Variants in DNAH11 observed in about 807,000 individuals in gnomAD.
The protein encoded by DNAH11 is axonemal beta dynein heavy chain 11.
In DNAH11, 442 loss-of-function variants were observed where a neutral mutation model predicts 526.0. The observed-to-expected ratio is 0.84, with a 90% confidence interval of 0.78 to 0.91. The LOEUF is 0.91. DNAH11 is among the 40% of genes least tolerant of loss of function. DNAH11 has a pLI of 0.00. For synonymous variants in DNAH11, 2,461 were observed against 1,935.9 expected (o/e 1.27, Z -7.12); for missense variants, 6,989 against 5,448.7 (o/e 1.28, Z -8.90).
intron 41 of DNAH11, among the ~76,000 whole-genome samples, chr7:21,711,466 G>C (rs953855080): frequency 1.3e-5 from 2 of 152,058 alleles, no homozygotes; most frequent in African/African-American, 4.8e-5. Context: ...TCTTATATTT[G>C]GCTTAGCAAT....
intron 30 of DNAH11, among the ~76,000 whole-genome samples, chr7:21,678,943 G>C (rs942801728): frequency 6.6e-6 from 1 of 152,154 alleles, no homozygotes; most frequent in Non-Finnish European, 1.5e-5. Flanking sequence ...GTTCATTGCA[G>C]CTTTATTCAC....
chr7:21,678,221 T>G (rs1026307941), intron 30 of DNAH11, among the ~76,000 whole-genome samples: 2 of 152,054 alleles, frequency 1.3e-5, no homozygotes, highest in East Asian at 3.8e-4. Context: ...TCTTTAAGTC[T>G]TTGATTCATT....
Position 21,784,417 on chromosome 7 carries a change from C to T in DNAH11, c.9484-10C>T, listed in dbSNP as rs775144326. 12 of 1,605,554 alleles carry T rather than the reference C, an allele frequency of 7.5e-6. No homozygotes were observed. Among genetic ancestry groups the T allele is most frequent in the East Asian group, 6.7e-5 (3 of 44,740 alleles). On this transcript the variant is annotated splice_polypyrimidine_tract_variant and intron_variant, in intron 57 of 81. Transcript: ENST00000409508. ...TTATACGGGTTTGTGTGCTTTTCCT[C>T]TTTAATTAGGTGACAGCCATTCAGA...
At chr7:21,897,037 T>C (rs1784540732) in intron 79 of DNAH11, among the ~76,000 whole-genome samples, 1 of 152,222 alleles carries the variant, frequency 6.6e-6, no homozygotes, top group African/African-American at 2.4e-5. Context: ...ATCATGCCAC[T>C]GCATTCTAGC....
chr7:21,626,332 G>A (rs1233656630), intron 25 of DNAH11, among the ~76,000 whole-genome samples: 1 of 152,110 alleles, frequency 6.6e-6, no homozygotes, highest in Non-Finnish European at 1.5e-5. Flanking sequence ...TCTATTGTAT[G>A]TATATGCCAT....
Position 21,620,013 on chromosome 7 carries a change from T to A in DNAH11, c.4435T>A (p.Tyr1479Asn). ...ATMKFSYEVH[Y>N]RTGIPLLKSD... Reference sequence around the variant, plus strand: ...CATGAAGTTTTCTTACGAAGTTCACTATCGAACAGGCATTCCATTACTAAA... The same window carrying A: ...CATGAAGTTTTCTTACGAAGTTCACAATCGAACAGGCATTCCATTACTAAA... The change falls in exon 25 of 82, where the codon TAT becomes AAT. Residue 1479 changes from tyrosine to asparagine, a missense_variant. Tyr to Asn is a moderately radical substitution (Grantham distance 143). Coordinates refer to ENST00000409508, the MANE Select transcript of DNAH11 (RefSeq NM_001277115.2). 1.2e-6 allele frequency: 2 copies of A among 1,610,182 alleles called. No individual in the cohort carries two copies. Among genetic ancestry groups the A allele is most frequent in the Non-Finnish European group, 1.7e-6 (2 of 1,178,624 alleles).
chr7:21,762,180 C>T (rs1375947775), intron 54 of DNAH11, among the ~76,000 whole-genome samples: 3 of 152,096 alleles, frequency 2.0e-5, no homozygotes, highest in Non-Finnish European at 2.9e-5. Flanking sequence ...GATTTCAACT[C>T]GAGATGAGAT....
At chr7:21,627,987 A>T (rs986937325) in intron 25 of DNAH11, among the ~76,000 whole-genome samples, 2 of 151,868 alleles carry the variant, frequency 1.3e-5, no homozygotes, top group Non-Finnish European at 2.9e-5. Context: ...AGAAACTTTC[A>T]CTTTTCATCT....
chr7:21,883,366 A>G (rs990321419), intron 75 of DNAH11, among the ~76,000 whole-genome samples: 7 of 152,234 alleles, frequency 4.6e-5, no homozygotes, highest in African/African-American at 1.7e-4. Flanking sequence ...AGAGGCTTCA[A>G]ACCCTGCTCA....
intron 14 of DNAH11, among the ~76,000 whole-genome samples, chr7:21,592,989 A>C (rs1784741742): frequency 6.6e-6 from 1 of 152,214 alleles, no homozygotes; most frequent in Non-Finnish European, 1.5e-5. Context: ...TCAGGGCAAA[A>C]TCCAGGTAAG....
At chr7:21,758,290 C>A (rs1175717911) in intron 54 of DNAH11, among the ~76,000 whole-genome samples, 1 of 152,170 alleles carries the variant, frequency 6.6e-6, no homozygotes, top group East Asian at 1.9e-4. Context: ...AAAGGTGCAA[C>A]CTTGTACTCT....
chr7:21,599,104 G>A (rs757118527), intron 14 of DNAH11, among the ~76,000 whole-genome samples: 4 of 152,166 alleles, frequency 2.6e-5, no homozygotes, highest in Non-Finnish European at 5.9e-5. Context: ...TATATCCAGT[G>A]ATGGGATTGC....
chr7:21,612,920 G>C (rs1785591944), intron 20 of DNAH11, among the ~76,000 whole-genome samples: 2 of 152,138 alleles, frequency 1.3e-5, no homozygotes, highest in African/African-American at 4.8e-5. Context: ...ATTATCGCGA[G>C]AAATGCCAAA....
intron 2 of DNAH11, among the ~76,000 whole-genome samples, chr7:21,553,999 G>C (rs918988044): frequency 6.6e-6 from 1 of 151,970 alleles, no homozygotes; most frequent in Non-Finnish European, 1.5e-5. Flanking sequence ...CTAATCTGGA[G>C]TATTTTCTTA....
chr7:21,635,839 C>G, intron 25 of DNAH11, 32 bp from the exon 26 acceptor site: 2 of 1,545,502 alleles, frequency 1.3e-6, no homozygotes, highest in Non-Finnish European at 8.8e-7. Context: ...CTAAATTTAG[C>G]TACTATTTAA....
At chr7:21,775,397 G>C (rs1787629488) in intron 56 of DNAH11, among the ~76,000 whole-genome samples, 1 of 152,082 alleles carries the variant, frequency 6.6e-6, no homozygotes, top group African/African-American at 2.4e-5. Flanking sequence ...GGGGAGGATT[G>C]CTTGAGTCCA....
intron 66 of DNAH11, among the ~76,000 whole-genome samples, chr7:21,843,647 A>C (rs1263908095): frequency 6.6e-6 from 1 of 151,584 alleles, no homozygotes; most frequent in Non-Finnish European, 1.5e-5. Flanking sequence ...CGCCCAGCTA[A>C]TTTTTGTATT....
intron 76 of DNAH11, among the ~76,000 whole-genome samples, chr7:21,887,670 ATAAAG>A (rs1784175444): frequency 6.6e-6 from 1 of 152,216 alleles, no homozygotes; most frequent in Admixed American, 6.5e-5. Context: ...TCTTTTTATT[ATAAAG>A]TATACATTTT....
At chr7:21,839,342 A>AG (rs1382419723) in intron 65 of DNAH11, among the ~76,000 whole-genome samples, 4 of 152,126 alleles carry the variant, frequency 2.6e-5, no homozygotes, top group African/African-American at 7.2e-5. Flanking sequence ...TGGTAGGCTG[A>AG]GGGGGGCAAA....
Sources: gnomAD v4.1 joint callset for allele counts (sites outside exome capture counted in the v4.1 genomes callset) on GRCh38, gnomAD v4.1.1 for gene constraint, MANE v1.5 for transcripts, NCBI Gene and HGNC (gene_info 2026-07-23, HGNC 2026-07-21) for gene names.